CECR2: variants seen among roughly 807,000 people sequenced by gnomAD.
CECR2 encodes the protein CECR2 histone acetyl-lysine reader.
Under a neutral mutation model 154.5 loss-of-function variants are expected in CECR2, and 30 were observed. The ratio of observed to expected loss-of-function variants is 0.19; its 90% CI spans 0.15 to 0.26. The LOEUF (loss-of-function observed/expected upper bound fraction) is 0.26, where lower values mean the gene tolerates loss of function less well. CECR2 is among the 10% of genes least tolerant of loss of function. The pLI is 1.00. For synonymous variants in CECR2, 725 were observed against 683.7 expected (o/e 1.06, Z -0.94); for missense variants, 1,743 against 1,829.3 (o/e 0.95, Z 0.86).
chr22:17,441,609 C>T (rs915265991), intron 1 of CECR2, among the ~76,000 whole-genome samples: 1 of 135,546 alleles, frequency 7.4e-6, no homozygotes, highest in Non-Finnish European at 1.5e-5. Context: ...CCCCACCCCC[C>T]GTTACTTGAA....
At chr22:17,471,181 C>CA (rs1215184012) in intron 1 of CECR2, among the ~76,000 whole-genome samples, 1 of 152,162 alleles carries the variant, frequency 6.6e-6, no homozygotes, top group African/African-American at 2.4e-5. Flanking sequence ...ATATTCCAGC[C>CA]ACACACCGTG....
chr22:17,526,020 C>G (rs1327042197), intron 9 of CECR2, among the ~76,000 whole-genome samples: 1 of 152,094 alleles, frequency 6.6e-6, no homozygotes, highest in Admixed American at 6.6e-5. Flanking sequence ...CACCCAAAAA[C>G]TGGAAAGCTT....
At chr22:17,446,716 AAAAAC>A (rs935449609) in intron 1 of CECR2, among the ~76,000 whole-genome samples, 15 of 148,506 alleles carry the variant, frequency 1.0e-4, no homozygotes, top group Non-Finnish European at 1.9e-4. Context: ...ACTTTGTCTC[AAAAAC>A]AAAACAAAAC....
At chr22:17,434,480 G>A (rs1168810011) in intron 1 of CECR2, among the ~76,000 whole-genome samples, 2 of 152,152 alleles carry the variant, frequency 1.3e-5, no homozygotes, top group African/African-American at 2.4e-5. Context: ...GCTTTACATG[G>A]TGGCAGTACA....
At chr22:17,396,242 C>CAAAA (rs543939674) in intron 1 of CECR2, among the ~76,000 whole-genome samples, 2 of 91,340 alleles carry the variant, frequency 2.2e-5, no homozygotes, top group African/African-American at 3.9e-5. Context: ...GACCCTTTCT[C>CAAAA]AAAAAAAAAA....
intron 1 of CECR2, among the ~76,000 whole-genome samples, chr22:17,384,664 T>C (rs2063238282): frequency 6.6e-6 from 1 of 152,172 alleles, no homozygotes; most frequent in African/African-American, 2.4e-5. Context: ...TTTTCCCATT[T>C]AGAGAGCACA....
intron 7 of CECR2, among the ~76,000 whole-genome samples, chr22:17,507,188 T>G (rs2055862879): frequency 6.6e-6 from 1 of 152,176 alleles, no homozygotes; most frequent in African/African-American, 2.4e-5. Context: ...TGTCTAACCC[T>G]TAAGCAGGTT....
intron 8 of CECR2, among the ~76,000 whole-genome samples, chr22:17,523,180 C>T (rs1317778564): frequency 6.6e-6 from 1 of 151,984 alleles, no homozygotes; most frequent in Non-Finnish European, 1.5e-5. Context: ...GTCAGAAGTT[C>T]GAGACCAGCC....
chr22:17,504,138 G>A (rs909159111), intron 6 of CECR2, among the ~76,000 whole-genome samples: 3 of 151,858 alleles, frequency 2.0e-5, no homozygotes, highest in Non-Finnish European at 2.9e-5. Context: ...TTGGGAGTTC[G>A]AAGCAGGCAG....
At chr22:17,481,091 C>T (rs2055306756) in intron 2 of CECR2, among the ~76,000 whole-genome samples, 1 of 147,966 alleles carries the variant, frequency 6.8e-6, no homozygotes, top group South Asian at 2.1e-4. Context: ...CGCCTGTAAT[C>T]CCAGCACTTT....
intron 1 of CECR2, among the ~76,000 whole-genome samples, chr22:17,378,417 C>T (rs2063146242): frequency 6.6e-6 from 1 of 151,512 alleles, no homozygotes; most frequent in East Asian, 1.9e-4. Flanking sequence ...CTGCTTCAGC[C>T]TCCTGAGTAG....
chr22:17,470,822 A>G (rs2055114780), intron 1 of CECR2, among the ~76,000 whole-genome samples: 1 of 152,074 alleles, frequency 6.6e-6, no homozygotes, highest in Non-Finnish European at 1.5e-5. Flanking sequence ...TCTCTCCCTA[A>G]CTAACAGTGT....
chr22:17,551,872 C>T (rs1351539528), intron 17 of CECR2, among the ~76,000 whole-genome samples, 159 bp from the exon 18 acceptor site: 5 of 152,144 alleles, frequency 3.3e-5, no homozygotes, highest in African/African-American at 1.2e-4. Context: ...CCACTTACTG[C>T]CCCAGGGGGC....
Position 17,542,334 on chromosome 22 carries a change from C to T in CECR2, c.2191C>T (p.Pro731Ser). 3 of 1,613,560 alleles carry T rather than the reference C, an allele frequency of 1.9e-6. No homozygotes were observed. Among genetic ancestry groups the T allele is most frequent in the Non-Finnish European group, 2.5e-6 (3 of 1,179,720 alleles). The part of the protein sequence containing the change: ...GSMYAPAQFQ[P>S]GFIPPRHGGA... ...CATGTATGCTCCAGCTCAGTTCCAG[C>T]CAGGATTCATTCCTCCCCGGCATGG... The change falls in exon 16 of 19, where the codon CCA (proline) becomes TCA (serine). Residue 731 changes from proline (P) to serine (S), a missense_variant. Physicochemically the swap from Pro to Ser is moderately conservative, Grantham distance 74. Transcript: ENST00000262608.
At chr22:17,498,738 C>T (rs998885871) in intron 3 of CECR2, among the ~76,000 whole-genome samples, 9 of 150,744 alleles carry the variant, frequency 6.0e-5, no homozygotes, top group Non-Finnish European at 1.0e-4. Context: ...GTGCCTGATC[C>T]ACCCGGTTGT....
In CECR2 at chr22:17,471,861, C is replaced by T. The variant is rs113078818; in HGVS notation, c.127-5727C>T. Among the ~76,000 whole-genome samples, 1,517 of 152,232 alleles carry T rather than the reference C, an allele frequency of 1.0e-2. 38 individuals carry two copies. The highest frequency in any genetic ancestry group is 0.035 in the African/African-American group (1,451 of 41,532). On this transcript the variant is annotated intron_variant, in intron 1 of 18. Transcript: ENST00000262608. ...TATGGACATTTTTTATGGGAGAAGA[C>T]TCATGGAACTTCTTCTTAGCCTTTT...
intron 1 of CECR2, among the ~76,000 whole-genome samples, chr22:17,375,880 G>C (rs1270745362): frequency 6.6e-6 from 1 of 151,804 alleles, no homozygotes; most frequent in South Asian, 2.1e-4. Flanking sequence ...CATTGGAGCC[G>C]GGAGACGGAG....
chr22:17,419,597 C>A, intron 1 of CECR2: 1 of 307,126 alleles, frequency 3.3e-6, no homozygotes, highest in Non-Finnish European at 6.3e-6. Context: ...AACAGTTTCT[C>A]CACTGGAGGT....
intron 1 of CECR2, among the ~76,000 whole-genome samples, chr22:17,378,889 C>T (rs572759064): frequency 3.9e-4 from 60 of 152,316 alleles, no homozygotes; most frequent in African/African-American, 1.4e-3. Context: ...GTTAAAGTTG[C>T]TCCCAGATGT....
Sources: allele counts gnomAD v4.1 joint callset (sites outside exome capture counted in the v4.1 genomes callset), GRCh38; gene constraint gnomAD v4.1.1; transcripts MANE v1.5; gene names NCBI Gene and HGNC (gene_info 2026-07-23, HGNC 2026-07-21).